The following CACNA1H variants were observed in gnomAD, a reference collection of about 807,000 sequenced individuals.
CACNA1H encodes the protein voltage-dependent T-type calcium channel subunit alpha-1H.
A neutral mutation model predicts 192.5 loss-of-function variants in CACNA1H; 149 were observed. The observed-to-expected ratio is 0.77, with a 90% CI of 0.68 to 0.89. CACNA1H has a LOEUF of 0.89. Among genes scored for constraint, CACNA1H ranks in the 40% least tolerant of loss-of-function variants. The probability of loss-of-function intolerance (pLI) is 0.00; values close to 1 mark genes in which losing one functional copy is unlikely to be tolerated. For synonymous variants in CACNA1H, 2,202 were observed against 1,475.2 expected (o/e 1.49, Z -11.29); for missense variants, 4,257 against 3,423.5 (o/e 1.24, Z -6.08).
At chr16:1,155,272 C>G (rs1036819410) in intron 2 of CACNA1H, among the ~76,000 whole-genome samples, 1 of 152,204 alleles carries the variant, frequency 6.6e-6, no homozygotes, top group Non-Finnish European at 1.5e-5. Flanking sequence ...CTCGGAGCCC[C>G]ACACCCGCTG....
intron 2 of CACNA1H, among the ~76,000 whole-genome samples, chr16:1,172,981 TGGGAGGGAG>T (rs1447153285): frequency 8.4e-6 from 1 of 119,430 alleles, no homozygotes; most frequent in Non-Finnish European, 1.7e-5. Context: ...GGGTGCTGCC[TGGGAGGGAG>T]GGGAGGGGTG....
chr16:1,162,883 G>A (rs1963362940), intron 2 of CACNA1H, among the ~76,000 whole-genome samples: 2 of 152,318 alleles, frequency 1.3e-5, no homozygotes, highest in East Asian at 1.9e-4. Flanking sequence ...TCAGGTGGGC[G>A]AGCAGAGGTC....
chr16:1,162,783 TG>T (rs1963354436), intron 2 of CACNA1H, among the ~76,000 whole-genome samples: 1 of 151,572 alleles, frequency 6.6e-6, no homozygotes, highest in Admixed American at 6.6e-5. Context: ...GTGTCCAAGC[TG>T]GGGGACCATC....
chr16:1,203,559 C>T (rs77876537), intron 9 of CACNA1H, among the ~76,000 whole-genome samples: 16 of 152,260 alleles, frequency 1.1e-4, no homozygotes, highest in Admixed American at 2.6e-4. Flanking sequence ...GCTGTACCCA[C>T]GAACTAGTGG....
chr16:1,198,975 G>A, intron 6 of CACNA1H: 1 of 529,824 alleles, frequency 1.9e-6, no homozygotes, highest in Non-Finnish European at 3.3e-6. Flanking sequence ...CCAGCTGGCA[G>A]TCACCGCCCC....
Position 1,194,969 on chromosome 16 carries a change from C to T in CACNA1H, c.300-3C>T, listed in dbSNP as rs1596380517. ...CGGTGTGCTCCTTAACCCGCGGCGACACATGGTTCGAGCACGTGAGCATGC... is the reference window on the plus strand; with the variant it reads ...CGGTGTGCTCCTTAACCCGCGGCGATACATGGTTCGAGCACGTGAGCATGC... On this transcript the variant is annotated splice_region_variant and splice_polypyrimidine_tract_variant and intron_variant, in intron 2 of 34. Coordinates refer to ENST00000348261, the MANE Select transcript of CACNA1H (RefSeq NM_021098.3). 2 of 1,608,656 alleles carry T rather than the reference C, an allele frequency of 1.2e-6. No individual in the cohort carries two copies. Among genetic ancestry groups the T allele is most frequent in the South Asian group, 1.1e-5 (1 of 90,994 alleles).
intron 2 of CACNA1H, among the ~76,000 whole-genome samples, chr16:1,156,721 C>CG (rs1284237052): frequency 5.9e-5 from 9 of 152,000 alleles, no homozygotes; most frequent in African/African-American, 2.2e-4. Context: ...TCCATGCTCC[C>CG]GGGGGTTGGC....
Position 1,211,199 on chromosome 16 carries a change from G to T in CACNA1H, c.4255G>T (p.Val1419Leu), listed in dbSNP as rs780303684. 6.8e-6 allele frequency: 11 copies of T among 1,612,856 alleles called. No homozygotes were observed. Among genetic ancestry groups the T allele is most frequent in the Non-Finnish European group, 8.5e-7 (1 of 1,179,776 alleles). ...VISRAPGLKLVVETLISSLRP... is the reference protein window; with the variant it reads ...VISRAPGLKLLVETLISSLRP... ...CAGCCGGGCCCCGGGCCTCAAGCTG[G>T]TGGTGGAGACGCTGATATCATCACT... The change falls in exon 22 of 35, where the codon GTG (valine) becomes TTG (leucine). Residue 1419 changes from valine to leucine, a missense_variant. By Grantham distance (32) the Val-to-Leu change is conservative. Coordinates refer to ENST00000348261, the MANE Select transcript of CACNA1H (RefSeq NM_021098.3).
chr16:1,168,563 G>T (rs1964036190), intron 2 of CACNA1H, among the ~76,000 whole-genome samples: 1 of 152,036 alleles, frequency 6.6e-6, no homozygotes, highest in South Asian at 2.1e-4. Flanking sequence ...CCTGGAGGTG[G>T]TGACAGGTGG....
At chr16:1,208,580 C>T (rs1020090259) in intron 16 of CACNA1H, among the ~76,000 whole-genome samples, 1 of 152,198 alleles carries the variant, frequency 6.6e-6, no homozygotes, top group South Asian at 2.1e-4. Flanking sequence ...CCCTTTACGG[C>T]CAGGGCATCT....
chr16:1,174,870 G>A (rs1303763117), intron 2 of CACNA1H, among the ~76,000 whole-genome samples: 2 of 152,180 alleles, frequency 1.3e-5, no homozygotes, highest in Non-Finnish European at 2.9e-5. Flanking sequence ...TCTGCAGCCA[G>A]CTGGCGGTGG....
chr16:1,216,803 C>CT lies in CACNA1H; in HGVS notation c.5245-129_5245-128insT, dbSNP rs11395347. On this transcript the variant is annotated intron_variant, in intron 30 of 34. Coordinates refer to ENST00000348261, the MANE Select transcript of CACNA1H (RefSeq NM_021098.3). ...GCTCTGGGAACTTGCTTCCACTTGG[C>CT]CGGGCCCGGAGCACCTGGAAGAAGG... 0.98 allele frequency: 770,107 copies of CT among 786,122 alleles called. 377,315 individuals carry two copies. The highest frequency in any genetic ancestry group is 1 in the East Asian group (37,382 of 37,382). 48.7% of individuals were successfully genotyped at this position (786,122 alleles called of 1,614,324 possible).
intron 2 of CACNA1H, among the ~76,000 whole-genome samples, chr16:1,169,869 C>T (rs1260892833): frequency 6.6e-6 from 1 of 152,262 alleles, no homozygotes; most frequent in Non-Finnish European, 1.5e-5. Flanking sequence ...TGGGCGTGTG[C>T]GACCGCCCAG....
intron 2 of CACNA1H, among the ~76,000 whole-genome samples, chr16:1,190,358 G>A (rs7192858): frequency 0.25 from 37,474 of 152,246 alleles, 5,719 homozygotes; most frequent in African/African-American, 0.44. Context: ...ACCAGGCTCC[G>A]TGCGACACAG....
In CACNA1H at chr16:1,188,811, C is replaced by A. The variant is rs575094675; in HGVS notation, c.300-6161C>A. 3.5e-4 allele frequency among the ~76,000 whole-genome samples: 53 copies of A among 152,324 alleles called. No homozygotes were observed. The East Asian group carries it at 3.7e-3, about 11-fold the overall frequency. On this transcript the variant is annotated intron_variant, in intron 2 of 34. Coordinates refer to ENST00000348261, the MANE Select transcript of CACNA1H (RefSeq NM_021098.3). ...TCGCCCCCTCCTGGATGTGTCCCCC[C>A]ACACCTAACCCCGGCCCTCCCAGCC...
chr16:1,169,347 C>T (rs1387277176), intron 2 of CACNA1H, among the ~76,000 whole-genome samples: 1 of 152,324 alleles, frequency 6.6e-6, no homozygotes, highest in Admixed American at 6.5e-5. Context: ...CTGGCAGAAC[C>T]CCCGACCTGC....
intron 6 of CACNA1H, 128 bp downstream of exon 6, chr16:1,198,902 T>A (rs1180966369): frequency 8.6e-6 from 7 of 816,332 alleles, no homozygotes; most frequent in Non-Finnish European, 1.3e-5. Flanking sequence ...CCGCCACTGC[T>A]GTCCCCGTCA....
intron 11 of CACNA1H, among the ~76,000 whole-genome samples, chr16:1,205,507 C>T (rs371863574): frequency 4.6e-5 from 7 of 152,354 alleles, no homozygotes; most frequent in Middle Eastern, 6.8e-3. Flanking sequence ...GTTAGGTCAG[C>T]TGCGTCTCAG....
At chr16:1,193,872 G>T (rs897822624) in intron 2 of CACNA1H, among the ~76,000 whole-genome samples, 5 of 152,028 alleles carry the variant, frequency 3.3e-5, no homozygotes, top group African/African-American at 1.2e-4. Context: ...GAAGGCCCTC[G>T]TCACCAAGCC....
Sources: allele counts gnomAD v4.1 joint callset (sites outside exome capture counted in the v4.1 genomes callset), GRCh38; gene constraint gnomAD v4.1.1; transcripts MANE v1.5; gene names NCBI Gene and HGNC (gene_info 2026-07-23, HGNC 2026-07-21).